PPARA: variants seen among roughly 807,000 people sequenced by gnomAD.
PPARA encodes the protein peroxisome proliferator-activated receptor alpha.
A neutral mutation model predicts 42.2 loss-of-function variants in PPARA; 22 were observed. The ratio of observed to expected loss-of-function variants is 0.52; its 90% CI spans 0.37 to 0.74. The LOEUF is 0.74. PPARA is among the 30% of genes least tolerant of loss of function. PPARA has a pLI of 0.00. For synonymous variants in PPARA, 242 were observed against 239.3 expected, an observed-to-expected ratio of 1.01 and a Z score of -0.10; for missense variants, 465 against 608.2, an observed-to-expected ratio of 0.76 and a Z score of 2.48.
Position 46,205,343 on chromosome 22 carries a change from A to C in PPARA, c.208+6752A>C, listed in dbSNP as rs369714641. ...GTAATCCTCCTACTTCAGCCTCCCA[A>C]GTAGCTGAGACTACAGGTACCTGCC... On this transcript the variant is annotated intron_variant, in intron 4 of 8. Transcript: ENST00000407236. Among the ~76,000 whole-genome samples the C allele has an allele frequency of 5.3e-5, 8 of 150,550 alleles. No homozygotes were observed. In the East Asian group the frequency reaches 1.2e-3, roughly 22 times the overall value.
rs1022755470 is a variant in PPARA, at chr22:46,196,443, C to T, written c.-42-1899C>T. On this transcript the variant is annotated intron_variant, in intron 3 of 8. Coordinates refer to ENST00000407236, the MANE Select transcript of PPARA (RefSeq NM_005036.6). This position sits in a 1 kb window ranked among gnomAD's most constrained non-coding sequence, Gnocchi z 5.6. ...ATGCCACCGGCTTGGCCCTGCGCCC[C>T]GCAGCCTGAGCCACACTGGCTGCCT... is the stretch of plus-strand genomic sequence containing the variant. 3.3e-5 allele frequency among the ~76,000 whole-genome samples: 5 copies of T among 152,260 alleles called. No homozygotes were observed. The highest frequency in any genetic ancestry group is 5.9e-5 in the Non-Finnish European group (4 of 68,050).
At chr22:46,166,660 A>G (rs1380987901) in intron 2 of PPARA, among the ~76,000 whole-genome samples, 1 of 152,054 alleles carries the variant, frequency 6.6e-6, no homozygotes, top group East Asian at 1.9e-4. Context: ...CATGAAAATT[A>G]TGAAATGCTC....
intron 3 of PPARA, among the ~76,000 whole-genome samples, chr22:46,185,964 TAC>T (rs55691428): frequency 0.16 from 4,097 of 25,732 alleles, 1,133 homozygotes; most frequent in Non-Finnish European, 0.22. Flanking sequence ...TATATATATA[TAC>T]ACACACACTA....
In PPARA at chr22:46,231,926, G is replaced by T; in HGVS notation, c.846G>T (p.Glu282Asp). 6.2e-7 allele frequency: 1 copy of T among 1,614,248 alleles called. No individual in the cohort carries two copies. Among genetic ancestry groups the T allele is most frequent in the South Asian group, 1.1e-5 (1 of 91,082 alleles). Residue 282 changes from glutamate to aspartate, a missense_variant, in exon 8 of 9, where the codon GAG (glutamate) becomes GAT (aspartate). Transcript: ENST00000407236. The surrounding 1 kb of genome is among the most constrained non-coding windows in gnomAD (Gnocchi z 7.7). ...ACTGCTGCCAGTGCACGTCAGTGGA[G>T]ACCGTCACGGAGCTCACGGAATTCG... ...IFHCCQCTSV[E>D]TVTELTEFAK... is the part of the protein sequence containing the mutation.
intron 4 of PPARA, among the ~76,000 whole-genome samples, chr22:46,202,088 TG>T (rs1202320200): frequency 6.6e-6 from 1 of 151,726 alleles, no homozygotes; most frequent in Non-Finnish European, 1.5e-5. Flanking sequence ...CGGGAGTGGG[TG>T]GGTGTGTGGC....
chr22:46,223,968 A>G (rs2147628060), intron 7 of PPARA, among the ~76,000 whole-genome samples: 1 of 152,060 alleles, frequency 6.6e-6, no homozygotes, highest in Admixed American at 6.6e-5. Flanking sequence ...AAAAAAAGAA[A>G]GAAATGATAG....
At position 46,218,965 on chromosome 22, in the gene PPARA, C is replaced by T. The variant is rs140963664; in HGVS notation, c.508+564C>T. Among the ~76,000 whole-genome samples, 459 of 151,966 alleles carry T rather than the reference C, an allele frequency of 3.0e-3. 3 individuals carry two copies. Among genetic ancestry groups the T allele is most frequent in the African/African-American group, 0.011 (447 of 41,460 alleles). The stretch of plus-strand genomic sequence containing the variant: ...TCACTTGAGGTCAGGAGTTTGAGAC[C>T]AGCCTGGCGAACATGGCAAAACCCC... On this transcript the variant is annotated intron_variant, in intron 6 of 8. Transcript: ENST00000407236.
At position 46,198,377 on chromosome 22, in the gene PPARA, G is replaced by A. The variant is rs1932572283; in HGVS notation, c.-7G>A. Reference sequence around the variant, plus strand: ...CTCGGCGGCACAACCAGCACCATCTGGTCGCGATGGTGGACACGGAAAGCC... The same window carrying A: ...CTCGGCGGCACAACCAGCACCATCTAGTCGCGATGGTGGACACGGAAAGCC... On this transcript the variant is annotated 5_prime_UTR_variant, in exon 4 of 9. Coordinates refer to ENST00000407236, the MANE Select transcript of PPARA (RefSeq NM_005036.6). 6.2e-7 allele frequency: 1 copy of A among 1,612,934 alleles called. No homozygotes were observed. Among genetic ancestry groups the A allele is most frequent in the Non-Finnish European group, 8.5e-7 (1 of 1,179,294 alleles).
intron 4 of PPARA, 108 bp downstream of exon 4, chr22:46,198,699 C>A (rs969474597): frequency 7.7e-6 from 9 of 1,163,652 alleles, no homozygotes; most frequent in Non-Finnish European, 1.1e-5. Flanking sequence ...CTCGCTCTGT[C>A]GCCCAGGCTG....
chr22:46,194,680 T>C (rs1024510666), intron 3 of PPARA, among the ~76,000 whole-genome samples: 1 of 149,450 alleles, frequency 6.7e-6, no homozygotes, highest in Non-Finnish European at 1.5e-5. Context: ...CAAGCGATTC[T>C]CCTGCCTCAG....
At chr22:46,220,113 T>A (rs1934882659) in intron 7 of PPARA, 99 bp downstream of exon 7, 1 of 1,354,890 alleles carries the variant, frequency 7.4e-7, no homozygotes, top group African/African-American at 1.4e-5. Context: ...GAAAATTATA[T>A]TTATCCCACA....
rs1933904387 is a variant in PPARA, at chr22:46,211,292, C to T, written c.209-3881C>T. On this transcript the variant is annotated intron_variant, in intron 4 of 8. Coordinates refer to ENST00000407236, the MANE Select transcript of PPARA (RefSeq NM_005036.6). The surrounding 1 kb of genome is among the most constrained non-coding windows in gnomAD (Gnocchi z 4.1). ...TCCTCCACTTGCCTACCTGTCAATT[C>T]ACCATTCCTTGAGTTCATGGTTCAT... is the stretch of plus-strand genomic sequence containing the variant. 6.6e-6 allele frequency among the ~76,000 whole-genome samples: 1 copy of T among 152,154 alleles called. No individual in the cohort carries two copies. The highest frequency in any genetic ancestry group is 6.6e-5 in the Admixed American group (1 of 15,266).
rs529134176 is a variant in PPARA, at chr22:46,224,061, T to C, written c.711+4047T>C. Among the ~76,000 whole-genome samples, 1 of 152,222 alleles carries C rather than the reference T, an allele frequency of 6.6e-6. No individual in the cohort carries two copies. Among genetic ancestry groups the C allele is most frequent in the South Asian group, 2.1e-4 (1 of 4,818 alleles). ...GCACTCTTCCGAGAGTCAGATGCCC[T>C]CTTCCACCCACACCCACAAAGCCAG... On this transcript the variant is annotated intron_variant, in intron 7 of 8. Transcript: ENST00000407236. This position sits in a 1 kb window ranked among gnomAD's most constrained non-coding sequence, Gnocchi z 5.7.
chr22:46,240,223 C>T lies in PPARA; in HGVS notation c.*4843C>T. On this transcript the variant is annotated 3_prime_UTR_variant, in exon 9 of 9. Coordinates refer to ENST00000407236, the MANE Select transcript of PPARA (RefSeq NM_005036.6). The surrounding 1 kb of genome is among the most constrained non-coding windows in gnomAD (Gnocchi z 6.0). Reference sequence around the variant, plus strand: ...CTCTGGGCAGCTTTCAAAGCAGGTTCCTGTGGTCTCCTCAGCTGTTTGAGG... The same window carrying T: ...CTCTGGGCAGCTTTCAAAGCAGGTTTCTGTGGTCTCCTCAGCTGTTTGAGG... 1 of 398,716 alleles carries T rather than the reference C, an allele frequency of 2.5e-6. No individual in the cohort carries two copies. The highest frequency in any genetic ancestry group is 4.4e-6 in the Non-Finnish European group (1 of 226,126). The allele number at this position is 398,716 out of a possible 1,614,324, so 24.7% of individuals were successfully genotyped here. A position where few individuals can be genotyped will look rare whatever the true frequency, so the allele number is the denominator to read the frequency against.
rs1026899812 is a variant in PPARA, at chr22:46,196,811, C to T, written c.-42-1531C>T. ...GACCTCAGCTCACCGCAACCTCCGC[C>T]TCCCATGTTCAAGCGGTTCTCCTGC... is the stretch of plus-strand genomic sequence containing the variant. On this transcript the variant is annotated intron_variant, in intron 3 of 8. Coordinates refer to ENST00000407236, the MANE Select transcript of PPARA (RefSeq NM_005036.6). This position sits in a 1 kb window ranked among gnomAD's most constrained non-coding sequence, Gnocchi z 5.6. Among the ~76,000 whole-genome samples, 6 of 152,232 alleles carry T rather than the reference C, an allele frequency of 3.9e-5. No individual in the cohort carries two copies. The highest frequency in any genetic ancestry group is 5.9e-5 in the Non-Finnish European group (4 of 68,042).
intron 4 of PPARA, among the ~76,000 whole-genome samples, chr22:46,208,655 CCTGT>C (rs1292623858): frequency 2.6e-5 from 4 of 151,888 alleles, no homozygotes; most frequent in Admixed American, 6.6e-5. Flanking sequence ...TCTTATTCTT[CCTGT>C]CTAACTAAAA....
intron 2 of PPARA, among the ~76,000 whole-genome samples, chr22:46,157,416 C>T (rs962826027): frequency 1.4e-4 from 21 of 152,122 alleles, no homozygotes; most frequent in African/African-American, 5.1e-4. Context: ...TGCAGCTTCC[C>T]CCACACCTAG....
rs376358087 is a variant in PPARA, at chr22:46,173,058, A to G, written c.-126-3695A>G. Among the ~76,000 whole-genome samples, 21 of 152,232 alleles carry G rather than the reference A, an allele frequency of 1.4e-4. No homozygotes were observed. The highest frequency in any genetic ancestry group is 1.0e-3 in the South Asian group (5 of 4,822). On this transcript the variant is annotated intron_variant, in intron 2 of 8. Coordinates refer to ENST00000407236, the MANE Select transcript of PPARA (RefSeq NM_005036.6). The surrounding 1 kb of genome is among the most constrained non-coding windows in gnomAD (Gnocchi z 4.3). The stretch of plus-strand genomic sequence containing the variant: ...GTTCTTGTCACTTTAAGTTGCATTC[A>G]TCTTTGTCCCTTTAGAAAAGGATTT...
Position 46,182,942 on chromosome 22 carries a change from G to A in PPARA, c.-43+6106G>A, listed in dbSNP as rs1439781953. ...CTATTTTTAGTAAAGACAGGGTTTC[G>A]CCATGATTGCCAGGCTGGTCTTGAA... On this transcript the variant is annotated intron_variant, in intron 3 of 8. Transcript: ENST00000407236. This position sits in a 1 kb window ranked among gnomAD's most constrained non-coding sequence, Gnocchi z 5.2. 3.9e-5 allele frequency among the ~76,000 whole-genome samples: 6 copies of A among 152,010 alleles called. No individual in the cohort carries two copies. The highest frequency in any genetic ancestry group is 5.9e-5 in the Non-Finnish European group (4 of 68,008).
Sources: gnomAD v4.1 joint callset for allele counts (sites outside exome capture counted in the v4.1 genomes callset) on GRCh38, gnomAD v4.1.1 for gene constraint, Gnocchi (gnomAD v3.1) non-coding constraint, MANE v1.5 for transcripts, NCBI Gene and HGNC (gene_info 2026-07-23, HGNC 2026-07-21) for gene names.